Variants in CDK20 observed in about 807,000 individuals in gnomAD.
The protein encoded by CDK20 is cyclin-dependent kinase 20.
Under a neutral mutation model 38.6 loss-of-function variants are expected in CDK20, and 40 were observed. That is an observed-to-expected ratio of 1.04 (90% CI 0.81 to 1.35). The LOEUF (loss-of-function observed/expected upper bound fraction) is 1.35, where lower values mean the gene tolerates loss of function less well. Ranked by LOEUF, CDK20 falls within the 40% of genes most tolerant of loss-of-function variation. CDK20 has a pLI of 0.00. For synonymous variants in CDK20, 209 were observed against 185.7 expected (o/e 1.13, Z -1.02); for missense variants, 512 against 452.6 (o/e 1.13, Z -1.19).
chr9:87,969,440 C>T, intron 6 of CDK20, 91 bp from the exon 7 acceptor site: 1 of 1,388,054 alleles, frequency 7.2e-7, no homozygotes, highest in Non-Finnish European at 1.0e-6. Context: ...CTAACACACA[C>T]TCACATGGGG....
At chr9:87,970,108 G>A (rs1389081860) in intron 5 of CDK20, 189 bp from the exon 6 acceptor site, 5 of 559,576 alleles carry the variant, frequency 8.9e-6, no homozygotes, top group South Asian at 3.9e-5. Context: ...AGCCCCAGCT[G>A]TTCCAAGACT....
intron 7 of CDK20, chr9:87,967,936 A>G: frequency 3.1e-6 from 1 of 319,512 alleles, no homozygotes; most frequent in Non-Finnish European, 5.7e-6. Flanking sequence ...GTGCAGTGGA[A>G]GAGAGAAAGC....
At chr9:87,969,774 C>G (rs755969178) in intron 6 of CDK20, 22 bp downstream of exon 6, 1 of 1,613,464 alleles carries the variant, frequency 6.2e-7, no homozygotes, top group Non-Finnish European at 8.5e-7. Context: ...CCACACCCAC[C>G]TCACCAAGGG....
Position 87,969,312 on chromosome 9 carries a change from A to C in CDK20, c.725T>G (p.Phe242Cys). The C allele has an allele frequency of 1.9e-6, 3 of 1,613,984 alleles. No homozygotes were observed. The highest frequency in any genetic ancestry group is 2.5e-6 in the Non-Finnish European group (3 of 1,179,966). ...TELPDYNKIS[F>C]KEQVPMPLEE... ...CAGGGGCATGGGCACCTGCTCCTTA[A>C]AGGAGATCTTGTTGTAGTCCGGCAG... The change falls in exon 7 of 8, where the codon TTT becomes TGT. Residue 242 changes from phenylalanine (F) to cysteine (C), a missense_variant. Phe to Cys is a radical substitution (Grantham distance 205). Coordinates refer to ENST00000325303, the MANE Select transcript of CDK20 (RefSeq NM_001039803.3).
In CDK20 at chr9:87,966,874, A is replaced by G. The variant is rs896720057; in HGVS notation, c.*588T>C. On this transcript the variant is annotated 3_prime_UTR_variant, in exon 8 of 8. Transcript: ENST00000325303. ...GGCAAAAGTGGCTATGCCTGGTGCT[A>G]CCCTCCCCATGACCCCAAAAACGAG... The G allele has an allele frequency of 7.8e-5, 29 of 370,506 alleles. No homozygotes were observed. In the Admixed American group the frequency reaches 9.5e-4, roughly 12 times the overall value. 23.0% of individuals were successfully genotyped at this position (370,506 alleles called of 1,614,324 possible). A position where few individuals can be genotyped will look rare whatever the true frequency, so the allele number is the denominator to read the frequency against.
rs762557603 is a variant in CDK20 at position 87,969,937 on chromosome 9, C to T, written c.564-18G>A. On this transcript the variant is annotated intron_variant, in intron 5 of 7. Transcript: ENST00000325303. ...CCACAGACCTGTGGACACAGAGCCC[C>T]AAGCAGGTCAGAGATCTCCCACCAT... is the stretch of plus-strand genomic sequence containing the variant. The T allele has an allele frequency of 5.8e-6, 9 of 1,541,502 alleles. No individual in the cohort carries two copies. The highest frequency in any genetic ancestry group is 1.4e-5 in the African/African-American group (1 of 72,770).
intron 1 of CDK20, 115 bp downstream of exon 1, chr9:87,974,257 G>T: frequency 8.0e-7 from 1 of 1,253,258 alleles, no homozygotes. Flanking sequence ...TAGAATATGA[G>T]TAGGTTTTAA....
At chr9:87,970,064 C>T in intron 5 of CDK20, 145 bp from the exon 6 acceptor site, 5 of 850,350 alleles carry the variant, frequency 5.9e-6, no homozygotes, top group Non-Finnish European at 8.7e-6. Flanking sequence ...AGTCCCTGAA[C>T]CCTCAAAGCC....
At chr9:87,967,772 T>TAGA in intron 7 of CDK20, 113 bp from the exon 8 acceptor site, 1 of 898,276 alleles carries the variant, frequency 1.1e-6, no homozygotes, top group Non-Finnish European at 1.7e-6. Context: ...GTCTGGGTGT[T>TAGA]TTCTGAGTGT....
chr9:87,971,421 G>C (rs1358881807), intron 2 of CDK20, 86 bp from the exon 3 acceptor site: 3 of 1,253,102 alleles, frequency 2.4e-6, no homozygotes, highest in East Asian at 2.5e-5. Flanking sequence ...TGCCCTGACA[G>C]AGGACCCTGT....
Position 87,969,798 on chromosome 9 carries a change from G to T in CDK20, c.685C>A (p.Pro229Thr). The change falls in exon 6 of 8, where the codon CCG becomes ACG. Residue 229 changes from proline (P) to threonine (T), a missense_variant and splice_region_variant. Physicochemically the swap from Pro to Thr is conservative, Grantham distance 38. Coordinates refer to ENST00000325303, the MANE Select transcript of CDK20 (RefSeq NM_001039803.3). The stretch of plus-strand genomic sequence containing the variant: ...CCTCACCAAGGGCCCCTACAAACCG[G>T]CCAGACTTGAGGGTTTGGGGTGCCC... ...ILGTPNPQVW[P>T]ELTELPDYNK... is the part of the protein sequence containing the mutation. 1 of 1,613,708 alleles carries T rather than the reference G, an allele frequency of 6.2e-7. No homozygotes were observed. Among genetic ancestry groups the T allele is most frequent in the Non-Finnish European group, 8.5e-7 (1 of 1,179,802 alleles).
intron 2 of CDK20, among the ~76,000 whole-genome samples, chr9:87,973,365 G>C (rs1829996859): frequency 6.6e-6 from 1 of 152,134 alleles, no homozygotes; most frequent in Admixed American, 6.5e-5. Flanking sequence ...GGCTGGAGCT[G>C]GTTTCTCTGT....
intron 3 of CDK20, 80 bp downstream of exon 3, chr9:87,971,067 A>G (rs1829816417): frequency 9.2e-6 from 14 of 1,525,330 alleles, no homozygotes; most frequent in Non-Finnish European, 1.3e-5. Flanking sequence ...ACTTCTTATC[A>G]CACCTTTTAC....
chr9:87,967,742 G>A, intron 7 of CDK20, 83 bp from the exon 8 acceptor site: 1 of 1,203,628 alleles, frequency 8.3e-7, no homozygotes, highest in Non-Finnish European at 1.1e-6. Context: ...CTTCATCTAT[G>A]CATTCAGCTG....
intron 2 of CDK20, among the ~76,000 whole-genome samples, 157 bp from the exon 3 acceptor site, chr9:87,971,492 G>A (rs750737270): frequency 4.1e-4 from 62 of 152,204 alleles, no homozygotes; most frequent in Non-Finnish European, 7.6e-4. Context: ...CAGAGAGCTC[G>A]ATGCTCATGA....
intron 2 of CDK20, among the ~76,000 whole-genome samples, chr9:87,971,772 G>C (rs508711): frequency 0.9 from 136,913 of 152,226 alleles, 61,699 homozygotes; most frequent in Non-Finnish European, 0.92. Flanking sequence ...ACTGAGGCCA[G>C]TACTGTCAGA....
rs201307877 is a variant in CDK20, at chr9:87,974,455, A to G, written c.-9T>C. On this transcript the variant is annotated 5_prime_UTR_variant, in exon 1 of 8. Transcript: ENST00000325303. ...ATGCAGTACTGGTCCATCCCGCTGC[A>G]GTCGTGGGCCTGTGCCCCTGTGCCC... 7.6e-5 allele frequency: 123 copies of G among 1,610,206 alleles called. 1 individual carries two copies. The highest frequency in any genetic ancestry group is 2.3e-5 in the Non-Finnish European group (27 of 1,179,054).
chr9:87,974,407 C>T lies in CDK20; in HGVS notation c.40G>A (p.Ala14Thr), dbSNP rs374349865. 1.9e-6 allele frequency: 3 copies of T among 1,612,854 alleles called. No homozygotes were observed. The highest frequency in any genetic ancestry group is 1.3e-5 in the African/African-American group (1 of 75,054). The change falls in exon 1 of 8, where the codon GCC becomes ACC. Residue 14 changes from alanine to threonine, a missense_variant. Coordinates refer to ENST00000325303, the MANE Select transcript of CDK20 (RefSeq NM_001039803.3). ...YCILGRIGEGAHGIVFKAKHV... is the reference protein window; with the variant it reads ...YCILGRIGEGTHGIVFKAKHV... The stretch of plus-strand genomic sequence containing the variant: ...TTGGCCTTGAAGACGATGCCGTGGG[C>T]GCCCTCCCCGATGCGGCCCAGGATG...
intron 7 of CDK20, chr9:87,967,985 A>T (rs1829548583): frequency 4.6e-6 from 1 of 218,558 alleles, no homozygotes; most frequent in Admixed American, 5.1e-5. Context: ...GAGGTTGCAG[A>T]TCTGAAGAGT....
Sources: gnomAD v4.1 joint callset for allele counts (sites outside exome capture counted in the v4.1 genomes callset) on GRCh38, gnomAD v4.1.1 for gene constraint, MANE v1.5 for transcripts, NCBI Gene and HGNC (gene_info 2026-07-23, HGNC 2026-07-21) for gene names.